The following RAD51B variants were observed in gnomAD, a reference collection of about 807,000 sequenced individuals.
RAD51B encodes the protein DNA repair protein RAD51 homolog 2.
RAD51B carries 38 observed loss-of-function variants against 42.2 expected under a neutral mutation model. That is an observed-to-expected ratio of 0.90 (90% confidence interval 0.70 to 1.18). The LOEUF (loss-of-function observed/expected upper bound fraction) is 1.18, where lower values mean the gene tolerates loss of function less well. Ranked by LOEUF, RAD51B falls within the 50% of genes most tolerant of loss-of-function variation. The probability of loss-of-function intolerance (pLI) is 0.00; values close to 1 mark genes in which losing one functional copy is unlikely to be tolerated. For missense variants in RAD51B, 373 were observed against 400.7 expected (o/e 0.93, Z 0.59); for synonymous variants, 154 against 145.2 (o/e 1.06, Z -0.43).
Position 68,110,298 on chromosome 14 carries a change from G to A in RAD51B, c.757-181586G>A, listed in dbSNP as rs114292103. 5.1e-3 allele frequency among the ~76,000 whole-genome samples: 772 copies of A among 151,958 alleles called. 8 individuals carry two copies. The highest frequency in any genetic ancestry group is 0.018 in the African/African-American group (728 of 41,460). ...CATAAGAGGGGTGGAAAAAAGTGGA[G>A]GATGAAGTGGTTATCTGTGTCAAAA... is the stretch of plus-strand genomic sequence containing the variant. On this transcript the variant is annotated intron_variant, in intron 7 of 10. Transcript: ENST00000471583.
At chr14:68,176,806 C>A (rs963066355) in intron 7 of RAD51B, among the ~76,000 whole-genome samples, 2 of 152,068 alleles carry the variant, frequency 1.3e-5, no homozygotes, top group African/African-American at 4.8e-5. Context: ...AAAGAGGATA[C>A]GATTATGGAA....
At chr14:68,147,912 C>T (rs1442495384) in intron 7 of RAD51B, among the ~76,000 whole-genome samples, 1 of 151,956 alleles carries the variant, frequency 6.6e-6, no homozygotes, top group East Asian at 1.9e-4. Flanking sequence ...AGATCATCAC[C>T]ACACTCAAGA....
chr14:67,856,979 A>G (rs192427115), intron 4 of RAD51B, among the ~76,000 whole-genome samples: 1 of 152,292 alleles, frequency 6.6e-6, no homozygotes, highest in Admixed American at 6.5e-5. Context: ...TACAAGAAGC[A>G]AATAACTTAG....
intron 7 of RAD51B, among the ~76,000 whole-genome samples, chr14:68,096,678 A>T (rs1170502840): frequency 6.6e-6 from 1 of 152,194 alleles, no homozygotes; most frequent in Non-Finnish European, 1.5e-5. Flanking sequence ...GGAAACAACG[A>T]TTCATGTTTT....
intron 7 of RAD51B, among the ~76,000 whole-genome samples, chr14:67,980,056 A>C (rs1041443615): frequency 1.3e-5 from 2 of 152,184 alleles, no homozygotes; most frequent in African/African-American, 4.8e-5. Flanking sequence ...TTTGAAATAG[A>C]GAAACAGGTC....
intron 7 of RAD51B, among the ~76,000 whole-genome samples, chr14:68,091,464 A>G (rs1470921218): frequency 6.6e-6 from 1 of 152,050 alleles, no homozygotes; most frequent in Non-Finnish European, 1.5e-5. Context: ...GATGATGAGC[A>G]TTTTTTCATG....
At chr14:68,113,702 A>G (rs1022137364) in intron 7 of RAD51B, 1 of 152,140 alleles carries the variant, frequency 6.6e-6, no homozygotes, top group Non-Finnish European at 1.5e-5. Context: ...GCTCTGATGC[A>G]TACTGAGAAC....
chr14:68,307,845 C>T (rs952631587), intron 8 of RAD51B, among the ~76,000 whole-genome samples: 4 of 152,224 alleles, frequency 2.6e-5, no homozygotes, highest in African/African-American at 9.6e-5. Flanking sequence ...TGTTCACACC[C>T]TCCTTGCCAA....
intron 8 of RAD51B, among the ~76,000 whole-genome samples, chr14:68,324,931 A>G (rs559835504): frequency 6.6e-6 from 1 of 152,350 alleles, no homozygotes; most frequent in African/African-American, 2.4e-5. Context: ...TGCATTCTTC[A>G]GGGAAAACTC....
chr14:68,035,264 T>C (rs1595294300), intron 7 of RAD51B, among the ~76,000 whole-genome samples: 1 of 152,250 alleles, frequency 6.6e-6, no homozygotes, highest in Admixed American at 6.5e-5. Flanking sequence ...ATGTTCGTTT[T>C]ACAGTGTTCA....
At chr14:68,265,675 C>T (rs1453632492) in intron 7 of RAD51B, among the ~76,000 whole-genome samples, 1 of 152,146 alleles carries the variant, frequency 6.6e-6, no homozygotes, top group African/African-American at 2.4e-5. Context: ...TCACTTGAAC[C>T]CAGGAGGCGG....
chr14:68,609,343 G>C (rs1891580046), intron 10 of RAD51B, among the ~76,000 whole-genome samples: 3 of 152,062 alleles, frequency 2.0e-5, no homozygotes, highest in Admixed American at 2.0e-4. Flanking sequence ...AGATGCCCCA[G>C]ATCCCCACCT....
intron 7 of RAD51B, among the ~76,000 whole-genome samples, chr14:68,134,065 T>C (rs761866100): frequency 6.6e-6 from 1 of 152,164 alleles, no homozygotes. Context: ...TGCCTCACTG[T>C]ATTATCAGAA....
At chr14:67,949,773 C>T (rs576702677) in intron 7 of RAD51B, among the ~76,000 whole-genome samples, 1 of 152,226 alleles carries the variant, frequency 6.6e-6, no homozygotes, top group South Asian at 2.1e-4. Context: ...TGAAATTATT[C>T]CTTGATCCAT....
rs1326048156 is a variant in RAD51B at position 68,416,159 on chromosome 14, T to C, written c.957+4632T>C. On this transcript the variant is annotated intron_variant, in intron 9 of 10. Coordinates refer to ENST00000471583, the MANE Select transcript of RAD51B (RefSeq NM_133510.4). ...GTAGGCTTTTCTCAAAGTCCTAGTT[T>C]TGCATCTTAGAAGTATTGCATCTTG... 4.6e-5 allele frequency among the ~76,000 whole-genome samples: 7 copies of C among 152,222 alleles called. 1 individual carries two copies. Among genetic ancestry groups the C allele is most frequent in the Admixed American group, 2.0e-4 (3 of 15,288 alleles).
chr14:68,454,221 G>C (rs2085626416), intron 9 of RAD51B, among the ~76,000 whole-genome samples: 1 of 152,138 alleles, frequency 6.6e-6, no homozygotes, highest in Non-Finnish European at 1.5e-5. Flanking sequence ...AATTGAATAG[G>C]GGGAGATAAC....
intron 8 of RAD51B, among the ~76,000 whole-genome samples, chr14:68,351,795 A>G (rs1250173524): frequency 6.6e-6 from 1 of 152,196 alleles, no homozygotes; most frequent in African/African-American, 2.4e-5. Context: ...AAGAAAAGCT[A>G]TTGACCTGTT....
At chr14:67,842,343 G>T (rs981487597) in intron 4 of RAD51B, among the ~76,000 whole-genome samples, 1 of 152,050 alleles carries the variant, frequency 6.6e-6, no homozygotes, top group African/African-American at 2.4e-5. Context: ...AGTGAAGAGA[G>T]ATGATTTTGC....
chr14:68,225,073 G>A (rs2080009208), intron 7 of RAD51B, among the ~76,000 whole-genome samples: 1 of 152,018 alleles, frequency 6.6e-6, no homozygotes, highest in Non-Finnish European at 1.5e-5. Context: ...AAAAAATTTA[G>A]ACATACAAGT....
Sources: allele counts gnomAD v4.1 joint callset (sites outside exome capture counted in the v4.1 genomes callset), GRCh38; gene constraint gnomAD v4.1.1; transcripts MANE v1.5; gene names NCBI Gene and HGNC (gene_info 2026-07-23, HGNC 2026-07-21).